The following FSHB variants were observed in gnomAD, a reference collection of about 807,000 sequenced individuals.
FSHB encodes the protein follitropin subunit beta.
FSHB carries 8 observed loss-of-function variants against 12.1 expected under a neutral mutation model. The ratio of observed to expected loss-of-function variants is 0.66; its 90% confidence interval spans 0.39 to 1.19. The LOEUF is 1.19. Ranked by LOEUF, FSHB falls within the 50% of genes most tolerant of loss-of-function variation. The pLI is 0.01. For missense variants in FSHB, 153 were observed against 157.2 expected, an observed-to-expected ratio of 0.97 and a Z score of 0.14; for synonymous variants, 55 against 54.6, an observed-to-expected ratio of 1.01 and a Z score of -0.04.
intron 2 of FSHB, among the ~76,000 whole-genome samples, chr11:30,233,051 T>A (rs1205719751): frequency 6.6e-6 from 1 of 152,178 alleles, no homozygotes; most frequent in African/African-American, 2.4e-5. Flanking sequence ...AGTATACAGC[T>A]TTCAAGGGAG....
intron 2 of FSHB, among the ~76,000 whole-genome samples, 191 bp from the exon 3 acceptor site, chr11:30,233,379 G>T (rs191455388): frequency 1.3e-5 from 2 of 152,120 alleles, no homozygotes; most frequent in East Asian, 1.9e-4. Context: ...AGTAAGAAAA[G>T]AAATTACTTG....
At position 30,231,037 on chromosome 11, in the gene FSHB, A is replaced by C; in HGVS notation, c.-49A>C. On this transcript the variant is annotated 5_prime_UTR_variant, in exon 1 of 3. Transcript: ENST00000533718. ...GTCTACAGCTCTTGCCAGGCAAGGC[A>C]GCCGACCACAGGTGAGTCTTGGCAT... is the stretch of plus-strand genomic sequence containing the variant. The C allele has an allele frequency of 6.6e-6, 1 of 152,226 alleles. No individual in the cohort carries two copies. The highest frequency in any genetic ancestry group is 1.9e-4 in the East Asian group (1 of 5,196). 9.4% of individuals were successfully genotyped at this position (152,226 alleles called of 1,614,324 possible).
rs1393260190 is a variant in FSHB, at chr11:30,233,930, G to T, written c.*130G>T. 11 of 764,314 alleles carry T rather than the reference G, an allele frequency of 1.4e-5. No individual in the cohort carries two copies. The Admixed American group carries it at 2.2e-4, about 16-fold the overall frequency. 47.3% of individuals were successfully genotyped at this position (764,314 alleles called of 1,614,324 possible). On this transcript the variant is annotated 3_prime_UTR_variant, in exon 3 of 3. Transcript: ENST00000533718. ...GGGATTCAGACTCTACTGATCCCTG[G>T]TCTACTGGCAGAGGGAACTCTGGGA...
intron 1 of FSHB, 121 bp from the exon 2 acceptor site, chr11:30,231,745 T>C (rs1852009183): frequency 7.0e-6 from 5 of 712,096 alleles, no homozygotes; most frequent in Non-Finnish European, 1.2e-5. Flanking sequence ...AAGATGTAAG[T>C]AAAAAGGCAT....
At position 30,233,995 on chromosome 11, in the gene FSHB, C is replaced by G. The variant is rs570366257; in HGVS notation, c.*195C>G. On this transcript the variant is annotated 3_prime_UTR_variant, in exon 3 of 3. Transcript: ENST00000533718. ...GGGCCAGGACTCCATCATGATTCAG[C>G]TCTATATTCCTAGGTCTGATTTCAT... The G allele has an allele frequency of 1.6e-6, 1 of 606,856 alleles. No homozygotes were observed. The highest frequency in any genetic ancestry group is 1.8e-5 in the African/African-American group (1 of 54,636). 37.6% of individuals were successfully genotyped at this position (606,856 alleles called of 1,614,324 possible). A position where few individuals can be genotyped will look rare whatever the true frequency, so the allele number is the denominator to read the frequency against.
Position 30,234,274 on chromosome 11 carries a change from T to C in FSHB, c.*474T>C, listed in dbSNP as rs1420107209. 5.5e-6 allele frequency: 1 copy of C among 180,796 alleles called. No homozygotes were observed. The highest frequency in any genetic ancestry group is 5.4e-5 in the Admixed American group (1 of 18,456). 11.2% of individuals were successfully genotyped at this position (180,796 alleles called of 1,614,324 possible). A position where few individuals can be genotyped will look rare whatever the true frequency, so the allele number is the denominator to read the frequency against. On this transcript the variant is annotated 3_prime_UTR_variant, in exon 3 of 3. Coordinates refer to ENST00000533718, the MANE Select transcript of FSHB (RefSeq NM_001382289.1). ...TGCCTGGAACTTAGAAACACAACAA[T>C]GACTTCTTTAGATCAGAAAGGTCAA... is the stretch of plus-strand genomic sequence containing the variant.
At chr11:30,231,203 G>T (rs1250128781) in intron 1 of FSHB, 155 bp downstream of exon 1, 1 of 152,300 alleles carries the variant, frequency 6.6e-6, no homozygotes, top group Non-Finnish European at 1.5e-5. Flanking sequence ...TTAATATAAC[G>T]TAATCACTGT....
chr11:30,232,742 C>G (rs915945302), intron 2 of FSHB, among the ~76,000 whole-genome samples: 3 of 152,094 alleles, frequency 2.0e-5, no homozygotes, highest in African/African-American at 2.4e-5. Context: ...CTGCAGCACC[C>G]CTAATTATCT....
intron 2 of FSHB, 34 bp from the exon 3 acceptor site, chr11:30,233,536 T>G: frequency 6.5e-7 from 1 of 1,535,696 alleles, no homozygotes. Flanking sequence ...ACTTCCACAA[T>G]ACCATAACCT....
intron 2 of FSHB, among the ~76,000 whole-genome samples, chr11:30,233,286 T>A (rs1852032988): frequency 2.0e-5 from 3 of 152,336 alleles, no homozygotes; most frequent in Middle Eastern, 3.4e-3. Flanking sequence ...AATCCTGTCA[T>A]GTTTTTCATC....
In FSHB at chr11:30,234,259, T is replaced by TGTGC. The variant is rs1852051286; in HGVS notation, c.*459_*460insGTGC. On this transcript the variant is annotated 3_prime_UTR_variant, in exon 3 of 3. Coordinates refer to ENST00000533718, the MANE Select transcript of FSHB (RefSeq NM_001382289.1). ...CAATGCCTAGCACTCTGCCTGGAAC[T>TGTGC]TAGAAACACAACAATGACTTCTTTA... is the stretch of plus-strand genomic sequence containing the variant. The TGTGC allele has an allele frequency of 5.5e-6, 1 of 182,418 alleles. No homozygotes were observed. The highest frequency in any genetic ancestry group is 2.4e-5 in the African/African-American group (1 of 42,382). 11.3% of individuals were successfully genotyped at this position (182,418 alleles called of 1,614,324 possible).
At position 30,233,838 on chromosome 11, in the gene FSHB, G is replaced by GA. The variant is rs1564985375; in HGVS notation, c.*40dup. On this transcript the variant is annotated 3_prime_UTR_variant, in exon 3 of 3. Transcript: ENST00000533718. ...ATTTCAGGCCACATACCCTTGTCCT[G>GA]AAGGACCAAGATATTCAAAAAGTCT... is the stretch of plus-strand genomic sequence containing the variant. 1 of 1,541,750 alleles carries GA rather than the reference G, an allele frequency of 6.5e-7. No individual in the cohort carries two copies. The highest frequency in any genetic ancestry group is 2.3e-5 in the East Asian group (1 of 44,284).
chr11:30,231,916 A>G lies in FSHB; in HGVS notation c.14A>G (p.Gln5Arg). The G allele has an allele frequency of 6.2e-7, 1 of 1,613,894 alleles. No homozygotes were observed. The highest frequency in any genetic ancestry group is 8.5e-7 in the Non-Finnish European group (1 of 1,179,828). Residue 5 changes from glutamine to arginine, a missense_variant, in exon 2 of 3, where the codon CAG becomes CGG. Gln to Arg is a conservative substitution (Grantham distance 43). Transcript: ENST00000533718. ...TCCCAGACCAGGATGAAGACACTCC[A>G]GTTTTTCTTCCTTTTCTGTTGCTGG... MKTL[Q>R]FFFLFCCWKA...
rs1852057574 is a variant in FSHB, at chr11:30,234,615, C to T, written c.*815C>T. The T allele has an allele frequency of 6.6e-6, 1 of 152,140 alleles. No homozygotes were observed. Among genetic ancestry groups the T allele is most frequent in the South Asian group, 2.1e-4 (1 of 4,830 alleles). The allele number at this position is 152,140 out of a possible 1,614,324, so 9.4% of individuals were successfully genotyped here. A position where few individuals can be genotyped will look rare whatever the true frequency, so the allele number is the denominator to read the frequency against. On this transcript the variant is annotated 3_prime_UTR_variant, in exon 3 of 3. Transcript: ENST00000533718. ...CACATGCTACTAGGCTCCTGCAAAA[C>T]TCCTTTTTGAGATAAAGGGAAAAAA...
rs552570330 is a variant in FSHB at position 30,234,672 on chromosome 11, C to T, written c.*872C>T. The T allele has an allele frequency of 7.9e-5, 12 of 152,246 alleles. No homozygotes were observed. The South Asian group carries it at 2.5e-3, about 32-fold the overall frequency. The allele number at this position is 152,246 out of a possible 1,614,324, so 9.4% of individuals were successfully genotyped here. On this transcript the variant is annotated 3_prime_UTR_variant, in exon 3 of 3. Transcript: ENST00000533718. ...TATCTCACCCTACCCTCCCTAGGAT[C>T]CACTTCTTTGGAATGACAAAGGATT...
Position 30,233,630 on chromosome 11 carries a change from C to G in FSHB, c.220C>G (p.Leu74Val). The G allele has an allele frequency of 6.2e-7, 1 of 1,614,020 alleles. No individual in the cohort carries two copies. Among genetic ancestry groups the G allele is most frequent in the Admixed American group, 1.7e-5 (1 of 60,002 alleles). ...CCAGAAAACATGTACCTTCAAGGAA[C>G]TGGTATACGAAACAGTGAGAGTGCC... ...KIQKTCTFKELVYETVRVPGC... is the reference protein window; with the variant it reads ...KIQKTCTFKEVVYETVRVPGC... The change falls in exon 3 of 3, where the codon CTG (leucine) becomes GTG (valine). Residue 74 changes from leucine to valine, a missense_variant. Leu to Val is a conservative substitution (Grantham distance 32). Transcript: ENST00000533718.
chr11:30,231,114 A>T (rs1470121152), intron 1 of FSHB, 66 bp downstream of exon 1: 1 of 152,224 alleles, frequency 6.6e-6, no homozygotes, highest in Non-Finnish European at 1.5e-5. Flanking sequence ...ATTTGTCAGG[A>T]CATGGAGGAC....
intron 1 of FSHB, among the ~76,000 whole-genome samples, chr11:30,231,450 T>C (rs145169070): frequency 1.5e-3 from 230 of 152,214 alleles, no homozygotes; most frequent in South Asian, 8.7e-3. Flanking sequence ...TTCATGATTA[T>C]ACCACTGCAC....
intron 2 of FSHB, among the ~76,000 whole-genome samples, chr11:30,232,794 C>A (rs1209091687): frequency 1.3e-5 from 2 of 152,088 alleles, no homozygotes; most frequent in Non-Finnish European, 2.9e-5. Flanking sequence ...AAAATGGCAA[C>A]TTTTTAAATG....
Sources: allele counts gnomAD v4.1 joint callset (sites outside exome capture counted in the v4.1 genomes callset), GRCh38; gene constraint gnomAD v4.1.1; transcripts MANE v1.5; gene names NCBI Gene and HGNC (gene_info 2026-07-23, HGNC 2026-07-21).